Variants in L3MBTL1 observed in about 807,000 individuals in gnomAD.
The protein encoded by L3MBTL1 is lethal(3)malignant brain tumor-like protein 1.
A neutral mutation model predicts 105.3 loss-of-function variants in L3MBTL1; 75 were observed. The ratio of observed to expected loss-of-function variants is 0.71; its 90% CI spans 0.59 to 0.86. The LOEUF is 0.86. L3MBTL1 is among the 40% of genes least tolerant of loss of function. L3MBTL1 has a pLI of 0.00. For missense variants in L3MBTL1, 1,069 were observed against 1,126.4 expected, an observed-to-expected ratio of 0.95 and a Z score of 0.73; for synonymous variants, 452 against 436.2, an observed-to-expected ratio of 1.04 and a Z score of -0.45.
chr20:43,518,851 CAAA>C (rs34529936), intron 7 of L3MBTL1, among the ~76,000 whole-genome samples: 2,106 of 32,952 alleles, frequency 0.064, 17 homozygotes, highest in African/African-American at 0.21. Context: ...ACTAAAAATA[CAAA>C]AAAAAAAAAA....
intron 4 of L3MBTL1, 80 bp from the exon 5 acceptor site, chr20:43,514,929 C>G: frequency 6.5e-7 from 1 of 1,535,574 alleles, no homozygotes; most frequent in Non-Finnish European, 8.8e-7. Flanking sequence ...GAGGCGGAGG[C>G]AGGGCCTGAG....
rs1429516795 is a variant in L3MBTL1 at position 43,513,547 on chromosome 20, G to A, written c.44G>A (p.Gly15Glu). 1 of 1,550,758 alleles carries A rather than the reference G, an allele frequency of 6.4e-7. No homozygotes were observed. The highest frequency in any genetic ancestry group is 8.7e-7 in the Non-Finnish European group (1 of 1,147,014). Reference sequence around the variant, plus strand: ...ATGGAGATGCTGAGGACACTGAAGGGGCCTTCCACAGGGGAGGTCAGCATG... The same window carrying A: ...ATGGAGATGCTGAGGACACTGAAGGAGCCTTCCACAGGGGAGGTCAGCATG... ...AEMEMLRTLK[G>E]PSTGEVSMHL... Residue 15 changes from glycine to glutamate, a missense_variant, in exon 2 of 22, where the codon GGG (glycine) becomes GAG (glutamate). Transcript: ENST00000418998.
At position 43,540,917 on chromosome 20, in the gene L3MBTL1, C is replaced by T. The variant is rs140386832; in HGVS notation, c.2395-17C>T. The stretch of plus-strand genomic sequence containing the variant: ...AGCGTCACTTCTGCTAAGGAGGGAC[C>T]CGTGTTGCCCCACCAGGCAAGAATA... On this transcript the variant is annotated splice_polypyrimidine_tract_variant and intron_variant, in intron 21 of 21. Coordinates refer to ENST00000418998, the MANE Select transcript of L3MBTL1 (RefSeq NM_001377303.1). 1,015 of 1,613,530 alleles carry T rather than the reference C, an allele frequency of 6.3e-4. 1 individual carries two copies. In the African/African-American group the frequency reaches 0.011, roughly 18 times the overall value.
exon 19 of L3MBTL1, chr20:43,549,296 A>G (rs577819465): frequency 6.6e-6 from 1 of 152,152 alleles, no homozygotes; most frequent in South Asian, 2.1e-4. Flanking sequence ...AGAATGTAGC[A>G]CTCTGTGTAG....
At chr20:43,524,472 G>A (rs1007809274) in intron 7 of L3MBTL1, among the ~76,000 whole-genome samples, 2 of 152,112 alleles carry the variant, frequency 1.3e-5, no homozygotes, top group African/African-American at 4.8e-5. Flanking sequence ...AAATAGATAT[G>A]TCAACAGATT....
chr20:43,521,240 T>A (rs1489901024), intron 7 of L3MBTL1, among the ~76,000 whole-genome samples: 2 of 152,238 alleles, frequency 1.3e-5, no homozygotes, highest in African/African-American at 4.8e-5. Context: ...GGTACCCTGA[T>A]GACTGCTTGT....
At chr20:43,542,570 A>C (rs1208105649), downstream of L3MBTL1, among the ~76,000 whole-genome samples, 1 of 151,084 alleles carries the variant, frequency 6.6e-6, no homozygotes, top group East Asian at 1.9e-4. Context: ...ATCAAGGTAC[A>C]GACATTTCCT....
At chr20:43,513,701 TGTGG>T in intron 2 of L3MBTL1, 62 bp downstream of exon 2, 2 of 1,548,544 alleles carry the variant, frequency 1.3e-6, no homozygotes, top group Non-Finnish European at 1.7e-6. Context: ...CTCAAGCAAG[TGTGG>T]ATCCTGGAGA....
chr20:43,519,534 C>A (rs1230557277), intron 7 of L3MBTL1, among the ~76,000 whole-genome samples: 1 of 151,140 alleles, frequency 6.6e-6, no homozygotes, highest in South Asian at 2.1e-4. Context: ...TACTTGGGAG[C>A]CTGAGGCAGG....
At chr20:43,528,350 G>T (rs1263420903) in intron 7 of L3MBTL1, among the ~76,000 whole-genome samples, 1 of 152,226 alleles carries the variant, frequency 6.6e-6, no homozygotes, top group Non-Finnish European at 1.5e-5. Flanking sequence ...TCAGAGGACA[G>T]GGTCCCTCTG....
chr20:43,518,434 G>A (rs1468318222), intron 7 of L3MBTL1, among the ~76,000 whole-genome samples: 2 of 152,176 alleles, frequency 1.3e-5, no homozygotes, highest in Non-Finnish European at 2.9e-5. Context: ...TTAAAAACAT[G>A]TGACTCATGT....
chr20:43,543,297 T>G (rs1310768172), downstream of L3MBTL1, among the ~76,000 whole-genome samples: 5 of 152,224 alleles, frequency 3.3e-5, no homozygotes, highest in African/African-American at 4.8e-5. Context: ...TAACATGTTT[T>G]ATGAGAAGGC....
intron 3 of L3MBTL1, 39 bp downstream of exon 3, chr20:43,514,100 C>T (rs1461680869): frequency 2.0e-6 from 3 of 1,493,460 alleles, no homozygotes; most frequent in Non-Finnish European, 2.7e-6. Flanking sequence ...TCGTAAACCG[C>T]AGCCATGGGG....
intron 1 of L3MBTL1, among the ~76,000 whole-genome samples, chr20:43,511,326 A>C (rs1208069356): frequency 6.6e-6 from 1 of 152,258 alleles, no homozygotes; most frequent in East Asian, 1.9e-4. Context: ...AGCAATGAAT[A>C]AGACAGACGG....
chr20:43,535,029 A>G, intron 16 of L3MBTL1, 87 bp downstream of exon 16: 1 of 815,404 alleles, frequency 1.2e-6, no homozygotes, highest in Non-Finnish European at 1.9e-6. Context: ...CTGACTCCCC[A>G]TGCCCAAATA....
chr20:43,532,783 C>T lies in L3MBTL1; in HGVS notation c.1295C>T (p.Pro432Leu). 1 of 1,614,240 alleles carries T rather than the reference C, an allele frequency of 6.2e-7. No homozygotes were observed. Among genetic ancestry groups the T allele is most frequent in the African/African-American group, 1.3e-5 (1 of 75,078 alleles). Residue 432 changes from proline (P) to leucine (L), a missense_variant, in exon 12 of 22, where the codon CCC becomes CTC. Coordinates refer to ENST00000418998, the MANE Select transcript of L3MBTL1 (RefSeq NM_001377303.1). ...CTTTTTTTCCCCTAGAGTCCCCCACCCCTGGGCTTCCAGGTGGGCATGAAG... is the reference window on the plus strand; with the variant it reads ...CTTTTTTTCCCCTAGAGTCCCCCACTCCTGGGCTTCCAGGTGGGCATGAAG... ...LFVSQSHSPP[P>L]LGFQVGMKLE...
In L3MBTL1 at chr20:43,514,719, G is replaced by C; in HGVS notation, c.445G>C (p.Glu149Gln). 6.3e-7 allele frequency: 1 copy of C among 1,579,066 alleles called. No individual in the cohort carries two copies. The highest frequency in any genetic ancestry group is 8.6e-7 in the Non-Finnish European group (1 of 1,162,700). ...SPELRQEGVT[E>Q]YEDGGAPAGD... Reference sequence around the variant, plus strand: ...CGAGCTGCGGCAGGAAGGCGTGACCGAATACGAAGATGGCGGGGCCCCGGC... The same window carrying C: ...CGAGCTGCGGCAGGAAGGCGTGACCCAATACGAAGATGGCGGGGCCCCGGC... The change falls in exon 4 of 22, where the codon GAA (glutamate) becomes CAA (glutamine). Residue 149 changes from glutamate (E) to glutamine (Q), a missense_variant. Transcript: ENST00000418998.
chr20:43,514,972 T>C (rs1457215497), intron 4 of L3MBTL1, 37 bp from the exon 5 acceptor site: 1 of 1,604,692 alleles, frequency 6.2e-7, no homozygotes, highest in Middle Eastern at 1.7e-4. Flanking sequence ...GTGGCTGCGA[T>C]GGGGAGGGAG....
chr20:43,536,662 C>T (rs1262722286), intron 19 of L3MBTL1, among the ~76,000 whole-genome samples: 1 of 152,104 alleles, frequency 6.6e-6, no homozygotes, highest in Non-Finnish European at 1.5e-5. Context: ...AATCTCATGT[C>T]CCCCATGGCC....
Sources: gnomAD v4.1 joint callset for allele counts (sites outside exome capture counted in the v4.1 genomes callset) on GRCh38, gnomAD v4.1.1 for gene constraint, MANE v1.5 for transcripts, NCBI Gene and HGNC (gene_info 2026-07-23, HGNC 2026-07-21) for gene names.